Variants in SETD9 observed in about 807,000 individuals in gnomAD.
SETD9 encodes the protein SET domain-containing protein 9.
Under a neutral mutation model 36.4 loss-of-function variants are expected in SETD9, and 37 were observed. The ratio of observed to expected loss-of-function variants is 1.02; its 90% CI spans 0.78 to 1.34. The LOEUF (loss-of-function observed/expected upper bound fraction) is 1.34, where lower values mean the gene tolerates loss of function less well. Ranked by LOEUF, SETD9 falls within the 40% of genes most tolerant of loss-of-function variation. The pLI is 0.00. For synonymous variants in SETD9, 128 were observed against 132.9 expected (o/e 0.96, Z 0.26); for missense variants, 323 against 353.2 (o/e 0.91, Z 0.69).
At chr5:56,910,361 A>C in intron 1 of SETD9, 1 of 1,304,270 alleles carries the variant, frequency 7.7e-7, no homozygotes, top group Middle Eastern at 2.1e-4. Flanking sequence ...AACGCCACTC[A>C]AAAGCACGTC....
At chr5:56,927,677 T>TA (rs1561232784), downstream of SETD9, among the ~76,000 whole-genome samples, 2 of 152,094 alleles carry the variant, frequency 1.3e-5, no homozygotes, top group Non-Finnish European at 1.5e-5. Flanking sequence ...ATTGGAGTAG[T>TA]GTATCTGTTA....
intron 5 of SETD9, 132 bp from the exon 6 acceptor site, chr5:56,916,683 G>T: frequency 1.2e-6 from 1 of 804,060 alleles, no homozygotes; most frequent in Non-Finnish European, 1.9e-6. Flanking sequence ...TTTCCTCATG[G>T]AAATCAAATG....
intron 5 of SETD9, chr5:56,923,785 C>A (rs200988018): frequency 6.2e-7 from 1 of 1,614,142 alleles, no homozygotes. Flanking sequence ...AAGCATTTAC[C>A]GTCCCACCCA....
At chr5:56,910,153 CTT>C (rs1749036965) in intron 1 of SETD9, 1 of 1,217,568 alleles carries the variant, frequency 8.2e-7, no homozygotes, top group South Asian at 1.5e-5. Context: ...AAAATGGAAA[CTT>C]TTTAAAAAGA....
upstream of SETD9, chr5:56,909,458 G>A: frequency 8.0e-6 from 4 of 497,952 alleles, no homozygotes; most frequent in South Asian, 1.2e-4. Context: ...CTCATTCAGA[G>A]AGGTGAGGTC....
chr5:56,923,574 T>C, intron 5 of SETD9: 2 of 1,612,886 alleles, frequency 1.2e-6, no homozygotes, highest in Non-Finnish European at 1.7e-6. Context: ...GTTGCTACAC[T>C]GTTGGTCAAA....
intron 5 of SETD9, chr5:56,923,630 TCAAA>T (rs1749800139): frequency 6.2e-7 from 1 of 1,612,884 alleles, no homozygotes; most frequent in Non-Finnish European, 8.5e-7. Flanking sequence ...TCCTATGACA[TCAAA>T]CAGAGGACAC....
At chr5:56,923,148 C>G (rs559901169) in intron 5 of SETD9, 2 of 1,613,738 alleles carry the variant, frequency 1.2e-6, no homozygotes, top group Admixed American at 3.3e-5. Context: ...TGTAGGGCCG[C>G]GTGCTGATGC....
At chr5:56,928,264 T>C (rs766417488), downstream of SETD9, 2 of 152,322 alleles carry the variant, frequency 1.3e-5, no homozygotes, top group Admixed American at 6.5e-5. Flanking sequence ...GTTGGTATTA[T>C]AAGAAACTTC....
intron 4 of SETD9, among the ~76,000 whole-genome samples, chr5:56,914,598 A>G (rs148067865): frequency 5.3e-5 from 8 of 152,238 alleles, no homozygotes; most frequent in African/African-American, 1.2e-4. Flanking sequence ...ATGTTATTAT[A>G]TATGTTGTTT....
At chr5:56,914,130 G>T (rs1391473148) in intron 4 of SETD9, 141 bp downstream of exon 4, 1 of 516,058 alleles carries the variant, frequency 1.9e-6, no homozygotes, top group Admixed American at 3.2e-5. Context: ...CACTTTTGGG[G>T]GATGATATTA....
downstream of SETD9, among the ~76,000 whole-genome samples, chr5:56,917,812 A>C (rs1466007): frequency 0.091 from 13,903 of 152,234 alleles, 650 homozygotes; most frequent in East Asian, 0.14. Flanking sequence ...TTCCCGTTTT[A>C]TTAGCAATAG....
At chr5:56,926,530 A>AT (rs1023495753), downstream of SETD9, among the ~76,000 whole-genome samples, 1 of 152,146 alleles carries the variant, frequency 6.6e-6, no homozygotes, top group Non-Finnish European at 1.5e-5. Flanking sequence ...AATTAAAACA[A>AT]AAAAGAGATG....
downstream of SETD9, chr5:56,917,458 G>C (rs760899704): frequency 6.6e-5 from 31 of 472,076 alleles, no homozygotes; most frequent in Non-Finnish European, 7.5e-5. Flanking sequence ...CCAAAGAAAA[G>C]GTGGAAAAAA....
At chr5:56,927,735 G>T (rs1579838947), downstream of SETD9, 1 of 152,150 alleles carries the variant, frequency 6.6e-6, no homozygotes, top group East Asian at 1.9e-4. Context: ...AAAGACCATG[G>T]TTTACATTAG....
chr5:56,912,984 A>C, intron 2 of SETD9, 27 bp from the exon 3 acceptor site: 1 of 1,606,066 alleles, frequency 6.2e-7, no homozygotes, highest in South Asian at 1.1e-5. Flanking sequence ...TGTTGTTATC[A>C]TATTTCTTTG....
chr5:56,916,259 G>A (rs1411047865), intron 5 of SETD9, among the ~76,000 whole-genome samples: 1 of 152,084 alleles, frequency 6.6e-6, no homozygotes, highest in Admixed American at 6.5e-5. Context: ...AGGCGTGGTG[G>A]CACGCACCTG....
At chr5:56,909,548 C>A (rs1217756318), upstream of SETD9, 3 of 861,018 alleles carry the variant, frequency 3.5e-6, no homozygotes, top group South Asian at 3.9e-5. Flanking sequence ...CAGGGGAAGG[C>A]GGCCGAGCGC....
chr5:56,926,426 C>CA (rs555422995), downstream of SETD9, among the ~76,000 whole-genome samples: 26 of 151,032 alleles, frequency 1.7e-4, no homozygotes, highest in South Asian at 5.4e-3. Context: ...AAAATCTGGG[C>CA]AAAAAATCTG....
Sources: gnomAD v4.1 joint callset for allele counts (sites outside exome capture counted in the v4.1 genomes callset) on GRCh38, gnomAD v4.1.1 for gene constraint, MANE v1.5 for transcripts, NCBI Gene and HGNC (gene_info 2026-07-23, HGNC 2026-07-21) for gene names.